MYO1D: variants seen among roughly 807,000 people sequenced by gnomAD.
MYO1D encodes the protein myosin ID.
Under a neutral mutation model 122.0 loss-of-function variants are expected in MYO1D, and 83 were observed. That is an observed-to-expected ratio of 0.68 (90% CI 0.57 to 0.82). MYO1D has a LOEUF of 0.82. MYO1D is among the 40% of genes least tolerant of loss of function. The probability of loss-of-function intolerance (pLI) is 0.00; values close to 1 mark genes in which losing one functional copy is unlikely to be tolerated. For synonymous variants in MYO1D, 464 were observed against 446.9 expected (o/e 1.04, Z -0.48); for missense variants, 1,157 against 1,269.5 (o/e 0.91, Z 1.35).
intron 15 of MYO1D, among the ~76,000 whole-genome samples, chr17:32,720,119 G>A (rs1299795061): frequency 1.3e-5 from 2 of 151,690 alleles, no homozygotes; most frequent in African/African-American, 4.8e-5. Flanking sequence ...ATTTTTGGGG[G>A]GAAAACTATA....
At chr17:32,516,464 A>C (rs1455338413) in intron 21 of MYO1D, among the ~76,000 whole-genome samples, 2 of 152,108 alleles carry the variant, frequency 1.3e-5, no homozygotes, top group Non-Finnish European at 2.9e-5. Flanking sequence ...GCTGGCTGGG[A>C]AAGTGTGGGT....
chr17:32,512,462 A>G (rs1393520007), intron 21 of MYO1D, among the ~76,000 whole-genome samples: 2 of 152,238 alleles, frequency 1.3e-5, no homozygotes, highest in East Asian at 3.8e-4. Flanking sequence ...CAGAAGGTCT[A>G]GAGGGCACTA....
chr17:32,508,666 A>G lies in MYO1D; in HGVS notation c.2865-13751T>C, dbSNP rs187336503. On this transcript the variant is annotated intron_variant, in intron 21 of 21. Transcript: ENST00000318217. ...CTTACTAAGTGCCTTACAGATATCA[A>G]TTCACGGACTTACTACAGCACGAGG... is the stretch of plus-strand genomic sequence containing the variant. 1.2e-3 allele frequency among the ~76,000 whole-genome samples: 176 copies of G among 152,348 alleles called. 1 individual carries two copies. Among genetic ancestry groups the G allele is most frequent in the African/African-American group, 3.8e-3 (157 of 41,586 alleles).
intron 16 of MYO1D, among the ~76,000 whole-genome samples, chr17:32,701,794 T>C (rs1326157213): frequency 1.3e-5 from 2 of 152,218 alleles, no homozygotes; most frequent in South Asian, 2.1e-4. Flanking sequence ...CTCGAACTCC[T>C]GGCCTCAAGT....
intron 3 of MYO1D, 52 bp downstream of exon 3, chr17:32,778,428 A>G (rs1367711533): frequency 5.8e-6 from 9 of 1,554,436 alleles, no homozygotes; most frequent in Middle Eastern, 3.4e-4. Flanking sequence ...AGCCAAGTCC[A>G]TAGAGAAAAC....
At chr17:32,853,077 C>A (rs896197693) in intron 1 of MYO1D, among the ~76,000 whole-genome samples, 1 of 152,198 alleles carries the variant, frequency 6.6e-6, no homozygotes, top group African/African-American at 2.4e-5. Flanking sequence ...CTAACCCACA[C>A]TCCAAATTTT....
chr17:32,704,017 A>G (rs922656063), intron 16 of MYO1D, among the ~76,000 whole-genome samples: 4 of 152,244 alleles, frequency 2.6e-5, no homozygotes, highest in Admixed American at 6.5e-5. Context: ...AAATCACTGT[A>G]TACTTCAACT....
At chr17:32,625,569 A>T (rs202111234) in intron 20 of MYO1D, among the ~76,000 whole-genome samples, 4 of 134,348 alleles carry the variant, frequency 3.0e-5, no homozygotes, top group South Asian at 2.4e-4. Flanking sequence ...TTTTTTTTTT[A>T]AATAGGGTCT....
intron 1 of MYO1D, among the ~76,000 whole-genome samples, chr17:32,852,572 T>TA (rs1320357626): frequency 6.6e-6 from 1 of 152,238 alleles, no homozygotes; most frequent in Non-Finnish European, 1.5e-5. Context: ...AATATGCTAC[T>TA]ATGCTTGAAT....
intron 14 of MYO1D, among the ~76,000 whole-genome samples, chr17:32,725,524 GA>G (rs893298927): frequency 3.1e-5 from 4 of 127,296 alleles, no homozygotes; most frequent in South Asian, 2.4e-4. Context: ...CCATCTTAAA[GA>G]AAAAAAAAAG....
At chr17:32,860,810 G>A (rs1389511724) in intron 1 of MYO1D, among the ~76,000 whole-genome samples, 1 of 152,158 alleles carries the variant, frequency 6.6e-6, no homozygotes, top group Non-Finnish European at 1.5e-5. Context: ...ATACAACAGT[G>A]AGGAACCTCA....
chr17:32,637,305 G>A (rs2088114571), intron 20 of MYO1D, among the ~76,000 whole-genome samples: 1 of 152,170 alleles, frequency 6.6e-6, no homozygotes, highest in Non-Finnish European at 1.5e-5. Flanking sequence ...CAAGATTGGA[G>A]GGTTATTAGG....
chr17:32,865,737 G>A (rs1424541937), intron 1 of MYO1D, among the ~76,000 whole-genome samples: 1 of 152,186 alleles, frequency 6.6e-6, no homozygotes, highest in Non-Finnish European at 1.5e-5. Flanking sequence ...ATCCCATGCT[G>A]GGATAATTGT....
Position 32,653,940 on chromosome 17 carries a change from T to C in MYO1D, c.2498A>G (p.Asp833Gly), listed in dbSNP as rs1023343750. 1.9e-6 allele frequency: 3 copies of C among 1,611,536 alleles called. No individual in the cohort carries two copies. The highest frequency in any genetic ancestry group is 2.5e-6 in the Non-Finnish European group (3 of 1,178,948). The change falls in exon 19 of 22, where the codon GAT becomes GGT. Residue 833 changes from aspartate (D) to glycine (G), a missense_variant. Coordinates refer to ENST00000318217, the MANE Select transcript of MYO1D (RefSeq NM_015194.3). ...AAAAGTGCCTGAGGTCTGAGGTGTA[T>C]CTGGCTTCTGAAAGAGAAAGGAAAC... is the stretch of plus-strand genomic sequence containing the variant. ...WEGNYLASKP[D>G]TPQTSGTFVP... is the part of the protein sequence containing the mutation.
In MYO1D at chr17:32,747,836, CA is replaced by C. The variant is rs1190910457; in HGVS notation, c.1538+1099del. Among the ~76,000 whole-genome samples the C allele has an allele frequency of 2.1e-5, 3 of 144,888 alleles. No homozygotes were observed. The Admixed American group carries it at 2.1e-4, about 10-fold the overall frequency. On this transcript the variant is annotated intron_variant, in intron 12 of 21. Transcript: ENST00000318217. Reference sequence around the variant, plus strand: ...TGGGTGACAGAGCGAGACTCCATCTCAAAAAAAAGGAAAAAAAAAAAGATAG... The same window carrying C: ...TGGGTGACAGAGCGAGACTCCATCTCAAAAAAAGGAAAAAAAAAAAGATAG...
intron 1 of MYO1D, among the ~76,000 whole-genome samples, chr17:32,872,203 T>C (rs182491077): frequency 2.6e-5 from 4 of 152,364 alleles, no homozygotes; most frequent in African/African-American, 7.2e-5. Flanking sequence ...GGTTTTGTTA[T>C]AAAGCAAGGA....
At chr17:32,662,842 C>T (rs1472798427) in intron 16 of MYO1D, among the ~76,000 whole-genome samples, 1 of 151,754 alleles carries the variant, frequency 6.6e-6, no homozygotes, top group Non-Finnish European at 1.5e-5. Context: ...AGTCAGTGCC[C>T]AATAAGCATA....
intron 16 of MYO1D, among the ~76,000 whole-genome samples, chr17:32,689,597 A>T (rs762052504): frequency 6.6e-6 from 1 of 152,166 alleles, no homozygotes; most frequent in Non-Finnish European, 1.5e-5. Flanking sequence ...CAGAATTAAC[A>T]ATGTGGTTAA....
intron 6 of MYO1D, among the ~76,000 whole-genome samples, chr17:32,768,133 T>G (rs2090077613): frequency 6.6e-6 from 1 of 152,250 alleles, no homozygotes; most frequent in Non-Finnish European, 1.5e-5. Flanking sequence ...TGGCTACTGT[T>G]GTTTGTGGCT....
Sources: allele counts gnomAD v4.1 joint callset (sites outside exome capture counted in the v4.1 genomes callset), GRCh38; gene constraint gnomAD v4.1.1; transcripts MANE v1.5; gene names NCBI Gene and HGNC (gene_info 2026-07-23, HGNC 2026-07-21).